The following SLC24A2 variants were observed in gnomAD, a reference collection of about 807,000 sequenced individuals.
The protein encoded by SLC24A2 is solute carrier family 24 member 2.
In SLC24A2, 36 loss-of-function variants were observed where a neutral mutation model predicts 62.0. The ratio of observed to expected loss-of-function variants is 0.58; its 90% CI spans 0.44 to 0.77. SLC24A2 has a LOEUF of 0.77. SLC24A2 is among the 30% of genes least tolerant of loss of function. The pLI is 0.00. For missense variants in SLC24A2, 846 were observed against 817.9 expected (o/e 1.03, Z -0.42); for synonymous variants, 358 against 294.0 (o/e 1.22, Z -2.23).
chr9:19,883,653 C>A, the SLC24A2 span, among the ~76,000 whole-genome samples: 3 of 151,832 alleles, frequency 2.0e-5, no homozygotes, highest in Non-Finnish European at 4.4e-5. Context: ...GCAAGCTCCG[C>A]CTCCTGGGTT....
the SLC24A2 span, among the ~76,000 whole-genome samples, chr9:20,230,314 T>A: frequency 5.9e-5 from 9 of 152,146 alleles, no homozygotes; most frequent in Non-Finnish European, 7.3e-5. Context: ...GTCACACTGA[T>A]TTCCACAATG....
the SLC24A2 span, among the ~76,000 whole-genome samples, chr9:20,104,135 G>C: frequency 6.6e-6 from 1 of 152,078 alleles, no homozygotes; most frequent in African/African-American, 2.4e-5. Context: ...GAAGTGAGAA[G>C]GGAAGTTTAG....
intron 2 of SLC24A2, among the ~76,000 whole-genome samples, chr9:19,680,526 GC>G (rs1430762700): frequency 8.1e-6 from 1 of 123,218 alleles, no homozygotes; most frequent in African/African-American, 2.5e-5. Flanking sequence ...TACAACTTTC[GC>G]TCATTAAAAT....
At chr9:20,068,057 CTTTTTTTTTTTTT>C in the SLC24A2 span, among the ~76,000 whole-genome samples, 3 of 89,742 alleles carry the variant, frequency 3.3e-5, no homozygotes, top group Non-Finnish European at 6.3e-5. Flanking sequence ...TTTTTTGACT[CTTTTTTTTTTTTT>C]TTTTTTTTTT....
intron 2 of SLC24A2, among the ~76,000 whole-genome samples, chr9:19,719,728 C>G (rs1348375190): frequency 2.6e-5 from 4 of 152,198 alleles, no homozygotes; most frequent in Admixed American, 2.6e-4. Context: ...GAATTTCAAA[C>G]TAGACAAACT....
chr9:20,081,009 A>G, the SLC24A2 span, among the ~76,000 whole-genome samples: 5 of 152,170 alleles, frequency 3.3e-5, no homozygotes, highest in Admixed American at 3.3e-4. Flanking sequence ...GAGAAATAGG[A>G]ACACTTTTAC....
At chr9:20,168,926 C>T in the SLC24A2 span, among the ~76,000 whole-genome samples, 7 of 151,998 alleles carry the variant, frequency 4.6e-5, no homozygotes, top group Non-Finnish European at 7.4e-5. Context: ...GTACTATTCA[C>T]AGTAGCCAAA....
At chr9:20,093,145 C>T in the SLC24A2 span, among the ~76,000 whole-genome samples, 1 of 151,800 alleles carries the variant, frequency 6.6e-6, no homozygotes, top group South Asian at 2.1e-4. Flanking sequence ...AATCTCGACT[C>T]ACCGCCACCT....
chr9:19,594,922 T>C (rs148273806), intron 5 of SLC24A2, among the ~76,000 whole-genome samples: 2 of 152,352 alleles, frequency 1.3e-5, no homozygotes, highest in East Asian at 3.9e-4. Context: ...CAGACTTGGC[T>C]TGTCATGGAG....
the SLC24A2 span, among the ~76,000 whole-genome samples, chr9:20,237,380 G>A: frequency 6.6e-6 from 1 of 152,178 alleles, no homozygotes; most frequent in Non-Finnish European, 1.5e-5. Flanking sequence ...TATTACCCAT[G>A]ATTACTTAGC....
At chr9:19,925,791 TTG>T in the SLC24A2 span, among the ~76,000 whole-genome samples, 1 of 152,188 alleles carries the variant, frequency 6.6e-6, no homozygotes, top group Non-Finnish European at 1.5e-5. Flanking sequence ...GGCTTCTGGA[TTG>T]TGTCAGAAAA....
intron 2 of SLC24A2, among the ~76,000 whole-genome samples, chr9:19,640,547 C>G (rs976120934): frequency 6.6e-6 from 1 of 151,354 alleles, no homozygotes; most frequent in Non-Finnish European, 1.5e-5. Context: ...CACTTTGTCT[C>G]CTGGACAAAA....
intron 9 of SLC24A2, 110 bp from the exon 10 acceptor site, chr9:19,521,170 G>C (rs1048151991): frequency 1.0e-6 from 1 of 958,994 alleles, no homozygotes; most frequent in Non-Finnish European, 1.6e-6. Flanking sequence ...ACTGTGCTAT[G>C]CAAAGTGCTG....
At chr9:20,003,249 G>T in the SLC24A2 span, among the ~76,000 whole-genome samples, 4 of 152,104 alleles carry the variant, frequency 2.6e-5, no homozygotes, top group African/African-American at 4.8e-5. Flanking sequence ...ATGACCACAG[G>T]CAAAATGATG....
At chr9:19,851,293 G>A in the SLC24A2 span, among the ~76,000 whole-genome samples, 2 of 151,538 alleles carry the variant, frequency 1.3e-5, no homozygotes, top group East Asian at 3.9e-4. Context: ...CTAAAGTGCT[G>A]GGATTACAGG....
the SLC24A2 span, among the ~76,000 whole-genome samples, chr9:20,253,781 G>T: frequency 6.6e-6 from 1 of 152,170 alleles, no homozygotes; most frequent in African/African-American, 2.4e-5. Context: ...TTGGAGGAGA[G>T]AGTGACACAG....
intron 2 of SLC24A2, among the ~76,000 whole-genome samples, chr9:19,773,872 T>C (rs1305638452): frequency 6.6e-6 from 1 of 152,198 alleles, no homozygotes; most frequent in African/African-American, 2.4e-5. Flanking sequence ...GAGAATTTCA[T>C]GGTTGAGCAA....
chr9:20,082,269 T>C, the SLC24A2 span, among the ~76,000 whole-genome samples: 1 of 152,210 alleles, frequency 6.6e-6, no homozygotes, highest in Non-Finnish European at 1.5e-5. Flanking sequence ...AACTCACCCT[T>C]ATTAACCCCA....
the SLC24A2 span, among the ~76,000 whole-genome samples, chr9:20,239,400 A>G: frequency 1.3e-5 from 2 of 152,214 alleles, no homozygotes; most frequent in Non-Finnish European, 2.9e-5. Flanking sequence ...GGCAACCACA[A>G]CTGAGGCTCT....
Sources: allele counts gnomAD v4.1 joint callset (sites outside exome capture counted in the v4.1 genomes callset), GRCh38; gene constraint gnomAD v4.1.1; transcripts MANE v1.5; gene names NCBI Gene and HGNC (gene_info 2026-07-23, HGNC 2026-07-21).